MBNL3: variants seen among roughly 807,000 people sequenced by gnomAD.
MBNL3 encodes the protein muscleblind like splicing regulator 3, also known as muscleblind-like protein 3.
A neutral mutation model predicts 24.5 loss-of-function variants in MBNL3; 6 were observed. That is an observed-to-expected ratio of 0.25 (90% CI 0.13 to 0.48). The LOEUF (loss-of-function observed/expected upper bound fraction) is 0.48. Among genes scored for constraint, MBNL3 ranks in the 20% least tolerant of loss-of-function variants. The pLI is 0.99. For missense variants in MBNL3, 230 were observed against 293.5 expected, an observed-to-expected ratio of 0.78 and a Z score of 1.58; for synonymous variants, 100 against 101.7, an observed-to-expected ratio of 0.98 and a Z score of 0.10.
chrX:132,439,286 C>T lies in MBNL3; in HGVS notation c.177+149G>A. The T allele has an allele frequency of 8.1e-6, 5 of 615,399 alleles. No individual in the cohort carries two copies. The South Asian group carries it at 2.3e-4, about 29-fold the overall frequency. The allele number at this position is 615,399 out of a possible 1,213,427, so 50.7% of individuals were successfully genotyped here. A position where few individuals can be genotyped will look rare whatever the true frequency, so the allele number is the denominator to read the frequency against. On this transcript the variant is annotated intron_variant, in intron 2 of 8. Coordinates refer to ENST00000370853, the MANE Select transcript of MBNL3 (RefSeq NM_001386889.1). Reference sequence around the variant, plus strand: ...CGTTAAGACATTCTGACTTTAAGACCTTCTATCTTGACATTCTGTTTTTTT... The same window carrying T: ...CGTTAAGACATTCTGACTTTAAGACTTTCTATCTTGACATTCTGTTTTTTT...
Position 132,378,376 on chromosome X carries a change from C to T in MBNL3, c.*1290G>A, listed in dbSNP as rs1934334823. The T allele has an allele frequency of 8.9e-6, 1 of 111,797 alleles. No homozygotes were observed. Among genetic ancestry groups the T allele is most frequent in the Admixed American group, 9.5e-5 (1 of 10,517 alleles). The allele number at this position is 111,797 out of a possible 1,213,427, so 9.2% of individuals were successfully genotyped here. A position where few individuals can be genotyped will look rare whatever the true frequency, so the allele number is the denominator to read the frequency against. Reference sequence around the variant, plus strand: ...ATTTCTCCAAGCCTGTACTCAGGCTCCCTCTGTGATCAACAGAGAAGACTG... The same window carrying T: ...ATTTCTCCAAGCCTGTACTCAGGCTTCCTCTGTGATCAACAGAGAAGACTG... On this transcript the variant is annotated 3_prime_UTR_variant, in exon 9 of 9. Transcript: ENST00000370853.
chrX:132,482,536 C>A (rs917982595), intron 1 of MBNL3, among the ~76,000 whole-genome samples: 21 of 111,142 alleles, frequency 1.9e-4, no homozygotes, highest in Non-Finnish European at 3.6e-4. Context: ...GAGCCCTTCA[C>A]TGCTCATACT....
At chrX:132,420,253 G>C (rs191584376) in intron 2 of MBNL3, among the ~76,000 whole-genome samples, 1 of 112,164 alleles carries the variant, frequency 8.9e-6, no homozygotes, top group African/African-American at 3.2e-5. Context: ...CCTTTAGCCC[G>C]ATCGGGAGCG....
intron 1 of MBNL3, among the ~76,000 whole-genome samples, chrX:132,451,306 T>C (rs1236047594): frequency 4.5e-5 from 5 of 112,231 alleles, no homozygotes; most frequent in Non-Finnish European, 9.4e-5. Context: ...CCCAGGGAGA[T>C]GGGAGTTTCA....
chrX:132,384,833 C>T, intron 6 of MBNL3, 135 bp from the exon 7 acceptor site: 1 of 458,848 alleles, frequency 2.2e-6, no homozygotes, highest in Non-Finnish European at 3.3e-6. Flanking sequence ...GTCCAACAAT[C>T]TCCCATGTTT....
intron 1 of MBNL3, among the ~76,000 whole-genome samples, chrX:132,470,984 G>A (rs1481799744): frequency 2.7e-5 from 3 of 111,009 alleles, no homozygotes; most frequent in African/African-American, 9.9e-5. Flanking sequence ...CTGTTTACTA[G>A]CAGAATGTCT....
intron 1 of MBNL3, among the ~76,000 whole-genome samples, chrX:132,462,708 G>C (rs754893444): frequency 2.7e-5 from 3 of 111,509 alleles, no homozygotes; most frequent in Non-Finnish European, 5.6e-5. Context: ...GTGTGTGTGT[G>C]TGTGTGTTGT....
chrX:132,447,701 G>C (rs912602079), intron 1 of MBNL3, among the ~76,000 whole-genome samples: 4 of 111,999 alleles, frequency 3.6e-5, no homozygotes, highest in African/African-American at 1.3e-4. Flanking sequence ...TCTGCAAAGA[G>C]ACAATTTAAC....
chrX:132,413,716 G>A (rs989937323), intron 2 of MBNL3: 8 of 692,659 alleles, frequency 1.2e-5, no homozygotes, highest in East Asian at 3.7e-5. Context: ...CACCGGTGGC[G>A]CAACAGTATA....
At chrX:132,444,203 T>A (rs1945572895) in intron 1 of MBNL3, among the ~76,000 whole-genome samples, 1 of 110,450 alleles carries the variant, frequency 9.1e-6, no homozygotes, top group Admixed American at 9.7e-5. Flanking sequence ...AGGTTTTTTG[T>A]TTTGAAAACT....
chrX:132,414,871 T>C (rs1943150664), intron 2 of MBNL3, among the ~76,000 whole-genome samples: 1 of 111,276 alleles, frequency 9.0e-6, no homozygotes, highest in African/African-American at 3.3e-5. Flanking sequence ...AAATGGCTCT[T>C]CTGTTGAAAT....
At chrX:132,411,066 G>A (rs1169568017) in intron 2 of MBNL3, 4 of 678,828 alleles carry the variant, frequency 5.9e-6, no homozygotes, top group East Asian at 1.6e-4. Context: ...AAATTTAGAG[G>A]GAAAAGTCTT....
chrX:132,475,513 G>C (rs1467931230), intron 1 of MBNL3, among the ~76,000 whole-genome samples: 1 of 111,318 alleles, frequency 9.0e-6, no homozygotes, highest in African/African-American at 3.3e-5. Context: ...ATGCCAAAGA[G>C]AGTATTTGCC....
At chrX:132,398,940 G>A (rs150133218) in intron 3 of MBNL3, among the ~76,000 whole-genome samples, 10 of 110,930 alleles carry the variant, frequency 9.0e-5, no homozygotes, top group African/African-American at 3.3e-4. Context: ...GAAATTAAGG[G>A]GACCAGAAAA....
At chrX:132,400,016 T>G (rs142756773) in intron 3 of MBNL3, among the ~76,000 whole-genome samples, 1,503 of 110,316 alleles carry the variant, frequency 0.014, 28 homozygotes, top group African/African-American at 0.047. Context: ...TAGAGGAGGT[T>G]ACATGTAATT....
At chrX:132,397,695 C>T (rs1053142129) in intron 3 of MBNL3, among the ~76,000 whole-genome samples, 3 of 111,594 alleles carry the variant, frequency 2.7e-5, no homozygotes, top group Non-Finnish European at 3.8e-5. Flanking sequence ...GCTCTTTTTA[C>T]GGTCATCATG....
intron 6 of MBNL3, 94 bp downstream of exon 6, chrX:132,386,567 A>C (rs73237363): frequency 7.7e-4 from 746 of 975,011 alleles, no homozygotes; most frequent in Non-Finnish European, 1.0e-3. Flanking sequence ...ACATGTCGAC[A>C]GTCCTCCTAT....
chrX:132,369,564 C>G lies in MBNL3; in HGVS notation c.*10102G>C, dbSNP rs1042643379. The stretch of plus-strand genomic sequence containing the variant: ...CATTGAACCTCTATGGGTTAATCAT[C>G]GTCTTCTGTAGCCATAAGGTCTCTG... On this transcript the variant is annotated 3_prime_UTR_variant, in exon 9 of 9. Transcript: ENST00000370853. The G allele has an allele frequency of 9.0e-6, 1 of 111,500 alleles. No homozygotes were observed. The highest frequency in any genetic ancestry group is 3.3e-5 in the African/African-American group (1 of 30,666). The allele number at this position is 111,500 out of a possible 1,213,427, so 9.2% of individuals were successfully genotyped here. A position where few individuals can be genotyped will look rare whatever the true frequency, so the allele number is the denominator to read the frequency against.
chrX:132,383,478 CAA>C (rs1341174456), intron 7 of MBNL3, among the ~76,000 whole-genome samples: 1 of 112,398 alleles, frequency 8.9e-6, no homozygotes, highest in East Asian at 2.8e-4. Flanking sequence ...GGTGAAAGGA[CAA>C]GAGAGCATCT....
Sources: gnomAD v4.1 joint callset for allele counts (sites outside exome capture counted in the v4.1 genomes callset) on GRCh38, gnomAD v4.1.1 for gene constraint, MANE v1.5 for transcripts, NCBI Gene and HGNC (gene_info 2026-07-23, HGNC 2026-07-21) for gene names.